Variants in TRAPPC9 observed in about 807,000 individuals in gnomAD.
TRAPPC9 encodes the protein trafficking protein particle complex subunit 9.
Under a neutral mutation model 124.0 loss-of-function variants are expected in TRAPPC9, and 83 were observed. That is an observed-to-expected ratio of 0.67 (90% CI 0.56 to 0.80). The LOEUF (loss-of-function observed/expected upper bound fraction) is 0.80, where lower values mean the gene tolerates loss of function less well. TRAPPC9 is among the 30% of genes least tolerant of loss of function. The probability of loss-of-function intolerance (pLI) is 0.00; values close to 1 mark genes in which losing one functional copy is unlikely to be tolerated. For synonymous variants in TRAPPC9, 638 were observed against 617.5 expected, an observed-to-expected ratio of 1.03 and a Z score of -0.49; for missense variants, 1,302 against 1,508.3, an observed-to-expected ratio of 0.86 and a Z score of 2.27.
At chr8:140,297,722 A>G (rs7341570) in intron 11 of TRAPPC9, among the ~76,000 whole-genome samples, 5,065 of 152,288 alleles carry the variant, frequency 0.033, 280 homozygotes, top group African/African-American at 0.11. Flanking sequence ...CCCAGTGTTT[A>G]TTGTTCATTC....
Position 140,222,288 on chromosome 8 carries a change from T to G in TRAPPC9, c.2432-705A>C, listed in dbSNP as rs1213790537. 2.0e-5 allele frequency among the ~76,000 whole-genome samples: 3 copies of G among 152,232 alleles called. No individual in the cohort carries two copies. The East Asian group carries it at 5.8e-4, about 29-fold the overall frequency. ...CTTAAACCTCCGAGGAGCCACACTC[T>G]GCCATCTGGGTTTTTTTCTTACTTG... On this transcript the variant is annotated intron_variant, in intron 16 of 22. Transcript: ENST00000438773.
intron 19 of TRAPPC9, among the ~76,000 whole-genome samples, chr8:139,988,175 C>T (rs1411456547): frequency 6.9e-6 from 1 of 144,724 alleles, no homozygotes; most frequent in Non-Finnish European, 1.5e-5. Context: ...GTGGTACGAT[C>T]GATCTCGGCT....
chr8:139,881,733 C>T (rs538413621), intron 21 of TRAPPC9, among the ~76,000 whole-genome samples: 7 of 149,836 alleles, frequency 4.7e-5, no homozygotes, highest in South Asian at 2.1e-4. Context: ...CTATGCCATG[C>T]AAACGAGACC....
intron 17 of TRAPPC9, among the ~76,000 whole-genome samples, chr8:140,161,622 G>A (rs1332383886): frequency 1.3e-5 from 2 of 152,128 alleles, no homozygotes; most frequent in Non-Finnish European, 2.9e-5. Flanking sequence ...CATGAAGTCA[G>A]GTGTGGAATT....
At chr8:140,272,284 G>T (rs1383906073) in intron 15 of TRAPPC9, among the ~76,000 whole-genome samples, 1 of 137,098 alleles carries the variant, frequency 7.3e-6, no homozygotes, top group Non-Finnish European at 1.6e-5. Context: ...TGACGATGGT[G>T]GTGGCAGTTG....
chr8:139,985,947 T>C (rs1158278810), intron 19 of TRAPPC9, among the ~76,000 whole-genome samples: 4 of 152,156 alleles, frequency 2.6e-5, no homozygotes, highest in African/African-American at 9.7e-5. Context: ...CTTATGCCAT[T>C]GAAAAAAAGA....
At chr8:139,774,010 G>A (rs1821169448) in intron 21 of TRAPPC9, among the ~76,000 whole-genome samples, 1 of 152,234 alleles carries the variant, frequency 6.6e-6, no homozygotes, top group African/African-American at 2.4e-5. Flanking sequence ...GGAGAGAGGA[G>A]CACGGTGCTG....
intron 15 of TRAPPC9, among the ~76,000 whole-genome samples, chr8:140,275,327 A>G (rs1013737778): frequency 4.6e-5 from 7 of 152,312 alleles, no homozygotes; most frequent in African/African-American, 1.4e-4. Context: ...CTTCTCTCCC[A>G]TTCATTGAAG....
chr8:140,341,352 A>G (rs1312453300), intron 9 of TRAPPC9, among the ~76,000 whole-genome samples: 2 of 152,174 alleles, frequency 1.3e-5, no homozygotes, highest in South Asian at 4.2e-4. Context: ...TTCCTGGAAA[A>G]CCCACGTGTC....
Position 139,728,026 on chromosome 8 carries a change from A to T in TRAPPC9, c.*3035T>A, listed in dbSNP as rs1426668352. On this transcript the variant is annotated 3_prime_UTR_variant, in exon 23 of 23. Coordinates refer to ENST00000438773, the MANE Select transcript of TRAPPC9 (RefSeq NM_001160372.4). The stretch of plus-strand genomic sequence containing the variant: ...TATTAAGAAGTTGCTATCATGTGCT[A>T]AAAAAAAATCTAGGAGGTTAAATCA... Among the ~76,000 whole-genome samples, 1 of 82,948 alleles carries T rather than the reference A, an allele frequency of 1.2e-5. No individual in the cohort carries two copies. Among genetic ancestry groups the T allele is most frequent in the Non-Finnish European group, 2.2e-5 (1 of 44,786 alleles). The allele number at this position is 82,948 out of a possible 152,430, so 54.4% of individuals were successfully genotyped here.
chr8:139,852,442 C>G lies in TRAPPC9; in HGVS notation c.3055+33437G>C, dbSNP rs181698614. Among the ~76,000 whole-genome samples the G allele has an allele frequency of 4.4e-3, 665 of 152,236 alleles. 2 individuals are homozygous for G. The highest frequency in any genetic ancestry group is 6.5e-3 in the Non-Finnish European group (443 of 68,022). ...CCCCACTGGACAGGAGGCTCCTCAC[C>G]GAGTGCCAGATACACAGTGCGTGCT... is the stretch of plus-strand genomic sequence containing the variant. On this transcript the variant is annotated intron_variant, in intron 21 of 22. Transcript: ENST00000438773.
At chr8:140,406,382 GA>G (rs2069489015) in intron 5 of TRAPPC9, among the ~76,000 whole-genome samples, 1 of 152,192 alleles carries the variant, frequency 6.6e-6, no homozygotes, top group South Asian at 2.1e-4. Flanking sequence ...GGGCTTCTAT[GA>G]AACCACTTGT....
chr8:140,322,792 C>T (rs954565076), intron 9 of TRAPPC9, among the ~76,000 whole-genome samples: 41 of 152,190 alleles, frequency 2.7e-4, no homozygotes, highest in African/African-American at 8.2e-4. Context: ...GCTATGATTA[C>T]GGGCCACTGT....
At chr8:140,238,524 G>T (rs1285196790) in intron 16 of TRAPPC9, 1 of 152,236 alleles carries the variant, frequency 6.6e-6, no homozygotes, top group African/African-American at 2.4e-5. Context: ...AGACTCCGGG[G>T]AGATGGCACG....
At chr8:140,356,366 T>A (rs1471066272) in intron 9 of TRAPPC9, among the ~76,000 whole-genome samples, 1 of 152,014 alleles carries the variant, frequency 6.6e-6, no homozygotes, top group Non-Finnish European at 1.5e-5. Flanking sequence ...AGACAAGGCC[T>A]CACATGTCTG....
At chr8:140,227,475 G>A (rs2063481448) in intron 16 of TRAPPC9, among the ~76,000 whole-genome samples, 1 of 152,188 alleles carries the variant, frequency 6.6e-6, no homozygotes, top group South Asian at 2.1e-4. Context: ...AGATCATCAT[G>A]AATAAAACTG....
At chr8:140,268,409 A>G (rs1192590312) in intron 15 of TRAPPC9, among the ~76,000 whole-genome samples, 1 of 152,238 alleles carries the variant, frequency 6.6e-6, no homozygotes, top group Non-Finnish European at 1.5e-5. Flanking sequence ...TTTTGGAAAC[A>G]GATGGTTTGT....
intron 17 of TRAPPC9, among the ~76,000 whole-genome samples, chr8:140,064,054 T>C (rs1842774539): frequency 6.6e-6 from 1 of 151,978 alleles, no homozygotes; most frequent in Non-Finnish European, 1.5e-5. Context: ...TAGCCATTTA[T>C]CTAGTGTGGT....
chr8:140,420,023 A>T (rs138952943), intron 5 of TRAPPC9, among the ~76,000 whole-genome samples: 1 of 152,018 alleles, frequency 6.6e-6, no homozygotes, highest in Non-Finnish European at 1.5e-5. Context: ...ATATAAAACC[A>T]ATACACAAAA....
Sources: allele counts gnomAD v4.1 joint callset (sites outside exome capture counted in the v4.1 genomes callset), GRCh38; gene constraint gnomAD v4.1.1; transcripts MANE v1.5; gene names NCBI Gene and HGNC (gene_info 2026-07-23, HGNC 2026-07-21).